Variants in WWOX observed in about 807,000 individuals in gnomAD.
WWOX encodes WW domain-containing oxidoreductase.
Under a neutral mutation model 46.2 loss-of-function variants are expected in WWOX, and 69 were observed. That is an observed-to-expected ratio of 1.49 (90% CI 1.23 to 1.82). The LOEUF (loss-of-function observed/expected upper bound fraction) is 1.82. Among genes scored for constraint, WWOX ranks in the 40% most tolerant of loss-of-function variants. The probability of loss-of-function intolerance (pLI) is 0.00; values close to 1 mark genes in which losing one functional copy is unlikely to be tolerated. For missense variants in WWOX, 919 were observed against 542.6 expected (o/e 1.69, Z -6.89); for synonymous variants, 359 against 202.6 (o/e 1.77, Z -6.56).
intron 3 of WWOX, among the ~76,000 whole-genome samples, chr16:78,113,843 G>A (rs185894814): frequency 5.1e-4 from 77 of 151,906 alleles, no homozygotes; most frequent in Non-Finnish European, 1.0e-3. Context: ...TGAGGATGAG[G>A]ATGGTAATAA....
In WWOX at chr16:78,342,255, C is replaced by CA. The variant is rs2081029781; in HGVS notation, c.517-44603dup. On this transcript the variant is annotated intron_variant, in intron 5 of 8. Transcript: ENST00000566780. ...GTCAGCTGCTACGACAAACAACTTG[C>CA]AACGTCTCATTATCTTCATACAACA... Among the ~76,000 whole-genome samples the CA allele has an allele frequency of 2.5e-5, 3 of 121,198 alleles. 1 individual carries two copies. Among genetic ancestry groups the CA allele is most frequent in the Non-Finnish European group, 5.9e-5 (3 of 50,686 alleles). 79.5% of individuals were successfully genotyped at this position (121,198 alleles called of 152,430 possible). A position where few individuals can be genotyped will look rare whatever the true frequency, so the allele number is the denominator to read the frequency against.
At chr16:78,758,591 A>G (rs3743683) in intron 8 of WWOX, among the ~76,000 whole-genome samples, 81,477 of 152,020 alleles carry the variant, frequency 0.54, 23,805 homozygotes, top group Non-Finnish European at 0.64. Context: ...GGCAGAAACT[A>G]TCAACCGTGG....
intron 8 of WWOX, among the ~76,000 whole-genome samples, chr16:78,817,097 C>G (rs1042353424): frequency 9.9e-5 from 15 of 150,922 alleles, no homozygotes; most frequent in African/African-American, 3.7e-4. Context: ...CTCTGTAATC[C>G]CTGGTGGAGC....
chr16:78,104,283 A>G (rs1422633299), intron 1 of WWOX, among the ~76,000 whole-genome samples: 2 of 134,472 alleles, frequency 1.5e-5, no homozygotes, highest in African/African-American at 5.9e-5. Flanking sequence ...GGCTGTCCTC[A>G]CTGTCAACTC....
At chr16:78,765,480 A>G (rs541093758) in intron 8 of WWOX, among the ~76,000 whole-genome samples, 1 of 152,232 alleles carries the variant, frequency 6.6e-6, no homozygotes, top group African/African-American at 2.4e-5. Context: ...GGAGTTCGAG[A>G]CCAGCCTGGC....
intron 8 of WWOX, among the ~76,000 whole-genome samples, chr16:78,744,875 G>A (rs2049311917): frequency 1.3e-5 from 2 of 152,142 alleles, no homozygotes; most frequent in Admixed American, 6.5e-5. Flanking sequence ...GCAAAGAAGA[G>A]CAACACTCTA....
intron 8 of WWOX, among the ~76,000 whole-genome samples, chr16:78,943,321 C>T (rs908136166): frequency 6.8e-6 from 1 of 146,848 alleles, no homozygotes; most frequent in Non-Finnish European, 1.5e-5. Flanking sequence ...TAAAAAGCAA[C>T]CCGAGATCCA....
intron 8 of WWOX, among the ~76,000 whole-genome samples, chr16:78,660,643 G>A (rs2047188521): frequency 6.6e-6 from 1 of 152,058 alleles, no homozygotes; most frequent in South Asian, 2.1e-4. Context: ...ACCCATCAAA[G>A]GAATAGAAGC....
intron 8 of WWOX, chr16:79,204,868 A>G (rs2051456889): frequency 6.6e-6 from 1 of 152,106 alleles, no homozygotes; most frequent in Non-Finnish European, 1.5e-5. Context: ...GTTCCTGCAA[A>G]TATTTCACAG....
At chr16:78,472,327 C>A (rs16947629) in intron 8 of WWOX, among the ~76,000 whole-genome samples, 2 of 151,958 alleles carry the variant, frequency 1.3e-5, no homozygotes, top group African/African-American at 4.8e-5. Context: ...ATATTCCAAG[C>A]CTGTCAATTC....
intron 5 of WWOX, among the ~76,000 whole-genome samples, chr16:78,191,158 C>A (rs910626413): frequency 3.2e-4 from 49 of 152,176 alleles, no homozygotes; most frequent in African/African-American, 1.2e-3. Context: ...GACCACAGAG[C>A]CCCTGGAGCC....
chr16:78,511,213 G>T (rs916665311), intron 8 of WWOX, among the ~76,000 whole-genome samples: 1 of 152,086 alleles, frequency 6.6e-6, no homozygotes, highest in Non-Finnish European at 1.5e-5. Context: ...AAAGCAGCTG[G>T]TTACCTCCCC....
At chr16:78,163,060 G>A (rs774089132) in intron 4 of WWOX, among the ~76,000 whole-genome samples, 4 of 152,106 alleles carry the variant, frequency 2.6e-5, no homozygotes, top group Non-Finnish European at 5.9e-5. Flanking sequence ...TGAATAACTT[G>A]ATTAGACAGA....
At chr16:78,211,732 G>T (rs1050961259) in intron 5 of WWOX, among the ~76,000 whole-genome samples, 1 of 152,220 alleles carries the variant, frequency 6.6e-6, no homozygotes, top group African/African-American at 2.4e-5. Context: ...GAGTGGCTTT[G>T]CAGTGGGAAC....
intron 8 of WWOX, among the ~76,000 whole-genome samples, chr16:78,709,838 C>T (rs901953835): frequency 6.6e-6 from 1 of 151,696 alleles, no homozygotes; most frequent in Non-Finnish European, 1.5e-5. Flanking sequence ...AAGTGATTCT[C>T]CTGCCTGAGC....
At chr16:78,421,327 C>A (rs2082924805) in intron 6 of WWOX, among the ~76,000 whole-genome samples, 1 of 152,068 alleles carries the variant, frequency 6.6e-6, no homozygotes, top group South Asian at 2.1e-4. Flanking sequence ...GACTGCCAGC[C>A]ACCCTTGGAA....
intron 8 of WWOX, among the ~76,000 whole-genome samples, chr16:79,114,150 T>C (rs1048927010): frequency 1.6e-4 from 25 of 152,142 alleles, no homozygotes; most frequent in African/African-American, 4.6e-4. Context: ...ATGCTTTTAA[T>C]TGCTGCTTGT....
chr16:78,750,943 T>C (rs777042489), intron 8 of WWOX, among the ~76,000 whole-genome samples: 4 of 152,192 alleles, frequency 2.6e-5, no homozygotes, highest in African/African-American at 4.8e-5. Context: ...TGGGTAGTGC[T>C]GCCAAGAACG....
intron 8 of WWOX, among the ~76,000 whole-genome samples, chr16:78,640,192 G>GGTGT (rs372093599): frequency 1.9e-3 from 284 of 148,550 alleles, no homozygotes; most frequent in African/African-American, 6.6e-3. Flanking sequence ...TTGGGTCATG[G>GGTGT]GTGTGTGTGT....
Sources: allele counts gnomAD v4.1 joint callset (sites outside exome capture counted in the v4.1 genomes callset), GRCh38; gene constraint gnomAD v4.1.1; transcripts MANE v1.5; gene names NCBI Gene and HGNC (gene_info 2026-07-23, HGNC 2026-07-21).